The following MZT2A variants were observed in gnomAD, a reference collection of about 807,000 sequenced individuals.
The protein encoded by MZT2A is mitotic-spindle organizing protein 2A.
A neutral mutation model predicts 12.4 loss-of-function variants in MZT2A; 8 were observed. That is an observed-to-expected ratio of 0.64 (90% CI 0.38 to 1.16). The LOEUF (loss-of-function observed/expected upper bound fraction) is 1.16, where lower values mean the gene tolerates loss of function less well. MZT2A is among the 50% of genes most tolerant of loss of function. The pLI is 0.01. For synonymous variants in MZT2A, 88 were observed against 107.5 expected, an observed-to-expected ratio of 0.82 and a Z score of 1.12; for missense variants, 181 against 223.6, an observed-to-expected ratio of 0.81 and a Z score of 1.22.
At chr2:131,472,304 T>C (rs1335138036) in intron 2 of MZT2A, 1 of 784,352 alleles carries the variant, frequency 1.3e-6, no homozygotes, top group Non-Finnish European at 1.7e-6. Context: ...TTTTTATTGC[T>C]GTATACTAAA....
intron 2 of MZT2A, chr2:131,490,778 G>C: frequency 6.5e-7 from 1 of 1,549,932 alleles, no homozygotes; most frequent in Non-Finnish European, 8.7e-7. Flanking sequence ...AGAGAGAGGT[G>C]AGTGTGTGGC....
intron 2 of MZT2A, among the ~76,000 whole-genome samples, chr2:131,473,566 C>T (rs1678538772): frequency 6.7e-6 from 1 of 150,216 alleles, no homozygotes; most frequent in Non-Finnish European, 1.5e-5. Flanking sequence ...TCCTCCAGGG[C>T]TTTTCCCAGA....
intron 2 of MZT2A, among the ~76,000 whole-genome samples, chr2:131,477,385 A>T (rs1427370735): frequency 6.6e-6 from 1 of 152,170 alleles, no homozygotes; most frequent in Non-Finnish European, 1.5e-5. Context: ...CCCAGCACTA[A>T]TGACGTCTGG....
upstream of MZT2A, chr2:131,492,718 A>C: frequency 8.1e-7 from 1 of 1,239,936 alleles, no homozygotes; most frequent in Non-Finnish European, 1.0e-6. Context: ...CTCAGTCAAT[A>C]CCTGTTTCAA....
downstream of MZT2A, chr2:131,482,908 G>A (rs1678911370): frequency 3.2e-6 from 5 of 1,572,490 alleles, no homozygotes; most frequent in South Asian, 6.0e-5. Flanking sequence ...CAAGTTGTTT[G>A]CAATTAAAGG....
At chr2:131,476,010 C>A in intron 2 of MZT2A, 1 of 1,058,334 alleles carries the variant, frequency 9.4e-7, no homozygotes, top group Non-Finnish European at 1.4e-6. Context: ...ACATGTTGAG[C>A]AATGGCCAAT....
At chr2:131,483,923 T>G, downstream of MZT2A, 1 of 1,421,244 alleles carries the variant, frequency 7.0e-7, no homozygotes, top group Non-Finnish European at 9.1e-7. Context: ...TAAGTGTGCC[T>G]TAATATAAAA....
At chr2:131,480,661 T>C (rs374799036), downstream of MZT2A, 20 of 1,613,814 alleles carry the variant, frequency 1.2e-5, no homozygotes, top group East Asian at 2.0e-4. Context: ...AGGGGGGACG[T>C]GGTCCCCAAA....
At chr2:131,479,316 C>T (rs1287018700), downstream of MZT2A, 16 of 1,613,850 alleles carry the variant, frequency 9.9e-6, no homozygotes, top group Non-Finnish European at 1.3e-5. Context: ...AGATGAAGTG[C>T]GCACAGGGAC....
downstream of MZT2A, among the ~76,000 whole-genome samples, chr2:131,482,162 A>G (rs1217244138): frequency 6.6e-6 from 1 of 152,182 alleles, no homozygotes; most frequent in African/African-American, 2.4e-5. Flanking sequence ...TTGTGATAGC[A>G]TGGGGAAGAG....
upstream of MZT2A, chr2:131,493,133 T>G: frequency 6.8e-7 from 1 of 1,473,330 alleles, no homozygotes; most frequent in Non-Finnish European, 9.0e-7. Flanking sequence ...ACGCTATGGG[T>G]CCCACAGGTG....
At chr2:131,480,234 G>C, downstream of MZT2A, 1 of 1,613,974 alleles carries the variant, frequency 6.2e-7, no homozygotes, top group Admixed American at 1.7e-5. Flanking sequence ...CTCCACAGCC[G>C]TGGTGGAGCC....
At chr2:131,476,548 G>C (rs1178532095) in intron 2 of MZT2A, among the ~76,000 whole-genome samples, 1 of 152,232 alleles carries the variant, frequency 6.6e-6, no homozygotes, top group Non-Finnish European at 1.5e-5. Context: ...GGAGCCCCAG[G>C]AGCCTTCGGT....
At chr2:131,492,890 G>A, upstream of MZT2A, 1 of 1,505,404 alleles carries the variant, frequency 6.6e-7, no homozygotes, top group Non-Finnish European at 8.9e-7. Context: ...CCGCCACAAC[G>A]CAGGCGCATT....
chr2:131,493,393 T>C (rs12472061), upstream of MZT2A, among the ~76,000 whole-genome samples: 32,808 of 152,064 alleles, frequency 0.22, 4,792 homozygotes, highest in East Asian at 0.67. Flanking sequence ...TCGTTGAAGG[T>C]TACCCGTCGT....
Position 131,476,209 on chromosome 2 carries a change from C to A in MZT2A, c.279-4027G>T, listed in dbSNP as rs756802612. ...AGCAGCGGAGTTCGCCATGGTAAGG[C>A]CCGGGTCACTCCCGCCCCGCAGATG... On this transcript the variant is annotated intron_variant and NMD_transcript_variant, in intron 2 of 4. Coordinates refer to the MZT2A transcript ENST00000427024. The A allele has an allele frequency of 4.3e-5, 69 of 1,613,810 alleles. No individual in the cohort carries two copies. In the African/African-American group the frequency reaches 6.9e-4, roughly 16 times the overall value.
downstream of MZT2A, among the ~76,000 whole-genome samples, chr2:131,481,294 G>A (rs1474112564): frequency 2.0e-5 from 3 of 150,750 alleles, no homozygotes; most frequent in Non-Finnish European, 3.0e-5. Context: ...TTTGAGACAG[G>A]GTCTTGCTTT....
chr2:131,492,786 G>GC (rs1679398534), upstream of MZT2A: 18 of 1,355,982 alleles, frequency 1.3e-5, no homozygotes, highest in Non-Finnish European at 1.8e-5. Flanking sequence ...CTCTTCGGGG[G>GC]GGGTGGGGGG....
intron 2 of MZT2A, among the ~76,000 whole-genome samples, chr2:131,477,159 T>A (rs1490190255): frequency 6.6e-6 from 1 of 151,782 alleles, no homozygotes; most frequent in East Asian, 1.9e-4. Context: ...CACCTCAGCC[T>A]TCCGAGTAGC....
Sources: allele counts gnomAD v4.1 joint callset (sites outside exome capture counted in the v4.1 genomes callset), GRCh38; gene constraint gnomAD v4.1.1; transcripts MANE v1.5; gene names NCBI Gene and HGNC (gene_info 2026-07-23, HGNC 2026-07-21).